The following DRC4 variants were observed in gnomAD, a reference collection of about 807,000 sequenced individuals.
DRC4 encodes the protein GAS-11.
the DRC4 span, chr16:90,031,155 A>G: frequency 6.6e-7 from 1 of 1,511,462 alleles, no homozygotes; most frequent in Admixed American, 2.0e-5. Context: ...CTAGCCTTAT[A>G]TTTTAACTTT....
At chr16:90,029,380 A>G in the DRC4 span, 1 of 1,161,324 alleles carries the variant, frequency 8.6e-7, no homozygotes, top group Non-Finnish European at 1.2e-6. Flanking sequence ...CTAGGAGTTC[A>G]GTGCTGTTTT....
chr16:90,038,629 G>T, the DRC4 span, among the ~76,000 whole-genome samples: 1 of 152,186 alleles, frequency 6.6e-6, no homozygotes, highest in African/African-American at 2.4e-5. Context: ...TCTGTCCAGA[G>T]GGCTGCTCTG....
chr16:90,028,991 AG>A, the DRC4 span: 8 of 1,305,230 alleles, frequency 6.1e-6, no homozygotes, highest in Non-Finnish European at 8.1e-6. Context: ...TGATGGGGTC[AG>A]GTTTGTGTTC....
the DRC4 span, chr16:90,029,246 G>C: frequency 8.2e-7 from 1 of 1,225,208 alleles, no homozygotes; most frequent in Non-Finnish European, 1.0e-6. Flanking sequence ...ATCGCACGTT[G>C]AGCCACAGAC....
the DRC4 span, chr16:90,032,859 G>A: frequency 4.3e-6 from 7 of 1,613,846 alleles, no homozygotes. Context: ...GGACATGCGG[G>A]CACTGAAGGT....
chr16:90,029,142 G>C, the DRC4 span: 1 of 1,336,748 alleles, frequency 7.5e-7, no homozygotes, highest in Non-Finnish European at 9.9e-7. Flanking sequence ...TGGAGCCTAC[G>C]GGGCAGCCTA....
At chr16:90,031,364 C>T in the DRC4 span, 1 of 1,612,778 alleles carries the variant, frequency 6.2e-7, no homozygotes, top group Admixed American at 1.7e-5. Context: ...GAAACTACTT[C>T]CAGCTGGAGC....
the DRC4 span, chr16:90,043,264 G>A: frequency 1.2e-6 from 2 of 1,613,632 alleles, no homozygotes; most frequent in Admixed American, 1.7e-5. Flanking sequence ...TGGACAACGT[G>A]GGCTTCAAGC....
the DRC4 span, chr16:90,022,712 C>T: frequency 8.2e-5 from 117 of 1,419,308 alleles, no homozygotes; most frequent in African/African-American, 1.6e-3. Flanking sequence ...TGGGCCTGTC[C>T]GCTGGCGTCA....
the DRC4 span, among the ~76,000 whole-genome samples, chr16:90,039,548 G>T: frequency 6.6e-6 from 1 of 151,928 alleles, no homozygotes; most frequent in African/African-American, 2.4e-5. Flanking sequence ...ACCACGCCCG[G>T]CTAATGTTTG....
the DRC4 span, among the ~76,000 whole-genome samples, chr16:90,024,215 G>A: frequency 6.6e-6 from 1 of 152,020 alleles, no homozygotes; most frequent in Admixed American, 6.6e-5. Flanking sequence ...GGAGGCTGAG[G>A]CAGGAGAATT....
At chr16:90,036,733 C>T in the DRC4 span, 1 of 769,038 alleles carries the variant, frequency 1.3e-6, no homozygotes, top group Non-Finnish European at 2.3e-6. Flanking sequence ...CTCTCATATC[C>T]TTAACTGAAA....
the DRC4 span, chr16:90,029,589 G>C: frequency 3.1e-5 from 9 of 292,490 alleles, no homozygotes; most frequent in South Asian, 2.9e-4. Flanking sequence ...ATTCGGGGGT[G>C]CGTGTCTCCC....
chr16:90,022,011 TAGAAA>T, the DRC4 span: 1 of 151,978 alleles, frequency 6.6e-6, no homozygotes, highest in Non-Finnish European at 1.5e-5. Flanking sequence ...AGAGATTAGT[TAGAAA>T]AGGAAAGTGG....
At chr16:90,032,718 G>A in the DRC4 span, 286 of 1,613,654 alleles carry the variant, frequency 1.8e-4, 2 homozygotes, top group Non-Finnish European at 1.4e-4. Flanking sequence ...TGCCCTGCAG[G>A]TGTACAAGCA....
chr16:90,030,599 TG>T, the DRC4 span, among the ~76,000 whole-genome samples: 1 of 145,474 alleles, frequency 6.9e-6, no homozygotes, highest in Non-Finnish European at 1.5e-5. Flanking sequence ...CCCAAAGTGG[TG>T]GGAGCCACCA....
the DRC4 span, among the ~76,000 whole-genome samples, chr16:90,025,142 G>A: frequency 6.7e-6 from 1 of 149,870 alleles, no homozygotes; most frequent in African/African-American, 2.5e-5. Context: ...TCGGCCTCCC[G>A]AGTACCTGGG....
the DRC4 span, chr16:90,032,973 A>G: frequency 6.6e-7 from 1 of 1,507,074 alleles, no homozygotes; most frequent in Admixed American, 1.8e-5. Context: ...TGGGACGGCA[A>G]GCCTAGTGCT....
chr16:90,036,767 C>A, the DRC4 span: 1 of 713,846 alleles, frequency 1.4e-6, no homozygotes, highest in Non-Finnish European at 2.5e-6. Flanking sequence ...TAACCTATCT[C>A]TACCTATTGT....
Sources: allele counts gnomAD v4.1 joint callset (sites outside exome capture counted in the v4.1 genomes callset), GRCh38; gene constraint gnomAD v4.1.1; transcripts MANE v1.5; gene names NCBI Gene and HGNC (gene_info 2026-07-23, HGNC 2026-07-21).